Variants in NELL1 observed in about 807,000 individuals in gnomAD.
NELL1 encodes the protein neural EGFL like 1.
A neutral mutation model predicts 107.4 loss-of-function variants in NELL1; 76 were observed. The observed-to-expected ratio is 0.71, with a 90% CI of 0.59 to 0.86. NELL1 has a LOEUF of 0.86. Among genes scored for constraint, NELL1 ranks in the 40% least tolerant of loss-of-function variants. The probability of loss-of-function intolerance (pLI) is 0.00; values close to 1 mark genes in which losing one functional copy is unlikely to be tolerated. For synonymous variants in NELL1, 353 were observed against 341.2 expected, an observed-to-expected ratio of 1.03 and a Z score of -0.38; for missense variants, 1,024 against 1,005.5, an observed-to-expected ratio of 1.02 and a Z score of -0.25.
chr11:20,976,584 A>C (rs1238594852), intron 12 of NELL1, among the ~76,000 whole-genome samples: 1 of 152,220 alleles, frequency 6.6e-6, no homozygotes, highest in Non-Finnish European at 1.5e-5. Flanking sequence ...TTTACATACC[A>C]GATATCAAAT....
chr11:20,676,288 A>G (rs936812745), intron 1 of NELL1, among the ~76,000 whole-genome samples: 21 of 141,666 alleles, frequency 1.5e-4, no homozygotes, highest in African/African-American at 5.3e-4. Flanking sequence ...CCATTACTCT[A>G]TTTTCTTCAT....
intron 4 of NELL1, among the ~76,000 whole-genome samples, chr11:20,879,397 G>T (rs1027150540): frequency 1.3e-5 from 2 of 152,162 alleles, no homozygotes; most frequent in African/African-American, 4.8e-5. Flanking sequence ...TCCTGGATGA[G>T]AACTTAAAAA....
chr11:21,112,882 A>T (rs570418893), intron 12 of NELL1, among the ~76,000 whole-genome samples: 1 of 152,016 alleles, frequency 6.6e-6, no homozygotes, highest in Non-Finnish European at 1.5e-5. Context: ...TTTGAAAACA[A>T]TCTCCAGAAA....
intron 16 of NELL1, among the ~76,000 whole-genome samples, chr11:21,541,917 A>G (rs567800277): frequency 6.6e-6 from 1 of 152,242 alleles, no homozygotes; most frequent in African/African-American, 2.4e-5. Context: ...AAGAGATAAC[A>G]TTTATTGAGA....
chr11:21,195,364 G>C (rs1159083183), intron 13 of NELL1, among the ~76,000 whole-genome samples: 3 of 151,806 alleles, frequency 2.0e-5, no homozygotes, highest in Non-Finnish European at 4.4e-5. Context: ...AGTAGGCTGG[G>C]GCAACCACTA....
intron 14 of NELL1, among the ~76,000 whole-genome samples, chr11:21,301,386 C>T (rs1849488829): frequency 6.6e-6 from 1 of 152,124 alleles, no homozygotes; most frequent in African/African-American, 2.4e-5. Flanking sequence ...TCCTATTTCT[C>T]CACATCCTCT....
chr11:21,073,616 G>C (rs992570895), intron 12 of NELL1, among the ~76,000 whole-genome samples: 1 of 152,110 alleles, frequency 6.6e-6, no homozygotes, highest in African/African-American at 2.4e-5. Context: ...ACTACTTGGT[G>C]GGGTCTGAAG....
At chr11:21,398,098 C>A (rs554697198) in intron 15 of NELL1, among the ~76,000 whole-genome samples, 1 of 151,332 alleles carries the variant, frequency 6.6e-6, no homozygotes, top group South Asian at 2.1e-4. Flanking sequence ...AAGAATCAAC[C>A]TGTATTTTTT....
At chr11:21,299,026 T>G (rs1590815910) in intron 14 of NELL1, among the ~76,000 whole-genome samples, 1 of 152,114 alleles carries the variant, frequency 6.6e-6, no homozygotes, top group Admixed American at 6.6e-5. Flanking sequence ...TGGCAGATGC[T>G]TTTTACAGTC....
chr11:21,315,886 T>TG (rs1214635965), intron 14 of NELL1, among the ~76,000 whole-genome samples: 4 of 32,434 alleles, frequency 1.2e-4, no homozygotes, highest in African/African-American at 5.5e-4. Flanking sequence ...GTGGTGGTGG[T>TG]GTGAGTGTGT....
chr11:21,553,587 TA>T (rs1856640303), intron 16 of NELL1, among the ~76,000 whole-genome samples: 1 of 151,842 alleles, frequency 6.6e-6, no homozygotes, highest in Non-Finnish European at 1.5e-5. Context: ...ACATTTTATA[TA>T]GCTCCTAAAT....
intron 4 of NELL1, among the ~76,000 whole-genome samples, chr11:20,871,299 A>G (rs538145219): frequency 2.8e-4 from 43 of 152,336 alleles, no homozygotes; most frequent in African/African-American, 9.9e-4. Context: ...AGAGGGGTGG[A>G]GAGTGTATCT....
chr11:21,170,712 T>C (rs1057494502), intron 13 of NELL1, among the ~76,000 whole-genome samples: 3 of 148,258 alleles, frequency 2.0e-5, no homozygotes, highest in African/African-American at 7.5e-5. Context: ...GTATTATATA[T>C]ATATATATCT....
intron 12 of NELL1, among the ~76,000 whole-genome samples, chr11:21,025,305 G>A (rs78330555): frequency 0.06 from 9,044 of 151,934 alleles, 327 homozygotes; most frequent in Middle Eastern, 0.088. Flanking sequence ...TCACAATTCT[G>A]TAAGGTTGGT....
chr11:21,565,883 A>C (rs1473569091), intron 17 of NELL1, among the ~76,000 whole-genome samples: 1 of 151,938 alleles, frequency 6.6e-6, no homozygotes, highest in African/African-American at 2.4e-5. Context: ...CCTGAAGGCA[A>C]AATTAATACT....
chr11:20,702,634 T>C (rs1033408693), intron 2 of NELL1, among the ~76,000 whole-genome samples: 1 of 152,156 alleles, frequency 6.6e-6, no homozygotes, highest in Non-Finnish European at 1.5e-5. Flanking sequence ...CAGTATGATA[T>C]TGGTTGTGGG....
intron 2 of NELL1, among the ~76,000 whole-genome samples, chr11:20,707,476 C>G (rs1331311076): frequency 6.6e-6 from 1 of 152,234 alleles, no homozygotes; most frequent in African/African-American, 2.4e-5. Context: ...CTTTCCTTCT[C>G]TGGTTTCTCT....
chr11:21,354,153 T>C (rs185580617), intron 14 of NELL1, among the ~76,000 whole-genome samples: 115 of 152,238 alleles, frequency 7.6e-4, no homozygotes, highest in Admixed American at 1.4e-3. Context: ...GAAAATGGCA[T>C]ATGTGAGATT....
chr11:21,398,813 C>G (rs1852035786), intron 15 of NELL1, among the ~76,000 whole-genome samples: 1 of 151,748 alleles, frequency 6.6e-6, no homozygotes, highest in Non-Finnish European at 1.5e-5. Context: ...AAGGTTATTT[C>G]TATTCCATTC....
Sources: allele counts gnomAD v4.1 joint callset (sites outside exome capture counted in the v4.1 genomes callset), GRCh38; gene constraint gnomAD v4.1.1; transcripts MANE v1.5; gene names NCBI Gene and HGNC (gene_info 2026-07-23, HGNC 2026-07-21).